IDH2: variants seen among roughly 807,000 people sequenced by gnomAD.
The protein encoded by IDH2 is isocitrate dehydrogenase [NADP], mitochondrial.
A neutral mutation model predicts 50.5 loss-of-function variants in IDH2; 18 were observed. The ratio of observed to expected loss-of-function variants is 0.36; its 90% CI spans 0.25 to 0.53. The LOEUF (loss-of-function observed/expected upper bound fraction) is 0.53. IDH2 is among the 20% of genes least tolerant of loss of function. The probability of loss-of-function intolerance (pLI) is 0.92; values close to 1 mark genes in which losing one functional copy is unlikely to be tolerated. For missense variants in IDH2, 518 were observed against 610.7 expected, an observed-to-expected ratio of 0.85 and a Z score of 1.60; for synonymous variants, 280 against 239.8, an observed-to-expected ratio of 1.17 and a Z score of -1.55.
intron 1 of IDH2, among the ~76,000 whole-genome samples, chr15:90,101,360 C>T (rs914732064): frequency 6.6e-6 from 1 of 152,176 alleles, no homozygotes; most frequent in Non-Finnish European, 1.5e-5. Flanking sequence ...CTACATTGTT[C>T]CCTGCCTTTT....
intron 1 of IDH2, among the ~76,000 whole-genome samples, chr15:90,101,407 C>T (rs1245913435): frequency 6.6e-6 from 1 of 152,150 alleles, no homozygotes; most frequent in Non-Finnish European, 1.5e-5. Flanking sequence ...GGGGGCAGGC[C>T]GATGCCCACA....
At chr15:90,099,008 C>T (rs908469553) in intron 1 of IDH2, among the ~76,000 whole-genome samples, 5 of 152,058 alleles carry the variant, frequency 3.3e-5, no homozygotes, top group African/African-American at 1.2e-4. Flanking sequence ...TGAATTGGAA[C>T]CTTTCCCCAC....
intron 3 of IDH2, among the ~76,000 whole-genome samples, chr15:90,089,196 G>T (rs190215428): frequency 1.4e-4 from 22 of 152,132 alleles, no homozygotes; most frequent in Admixed American, 1.2e-3. Context: ...TTACAGGTGT[G>T]AGCCACCATG....
rs570754975 is a variant in IDH2 at position 90,099,017 on chromosome 15, A to G, written c.115+3259T>C. On this transcript the variant is annotated intron_variant, in intron 1 of 10. Transcript: ENST00000330062. The stretch of plus-strand genomic sequence containing the variant: ...ATCGCCTGAATTGGAACCTTTCCCC[A>G]CTACTGGCTCCTCCTTCAAAATATA... Among the ~76,000 whole-genome samples, 13 of 152,106 alleles carry G rather than the reference A, an allele frequency of 8.5e-5. 1 individual carries two copies. The South Asian group carries it at 2.7e-3, about 32-fold the overall frequency.
Position 90,085,282 on chromosome 15 carries a change from T to G in IDH2, c.1073A>C (p.His358Pro). 1.3e-6 allele frequency: 2 copies of G among 1,557,698 alleles called. No homozygotes were observed. Among genetic ancestry groups the G allele is most frequent in the Non-Finnish European group, 1.7e-6 (2 of 1,149,970 alleles). Residue 358 changes from histidine to proline, a missense_variant, in exon 8 of 11, where the codon CAC becomes CCC. Physicochemically the swap from His to Pro is moderately conservative, Grantham distance 77 (BLOSUM62 -2). This residue lies in a region of IDH2 where 135 missense variants were observed against 167.6 expected (regional missense o/e 0.81). Coordinates refer to ENST00000330062, the MANE Select transcript of IDH2 (RefSeq NM_002168.4). This position sits in a 1 kb window ranked among gnomAD's most constrained non-coding sequence, Gnocchi z 5.5. ...HGTVTRHYRE[H>P]QKGRPTSTNP... The stretch of plus-strand genomic sequence containing the variant: ...CCCATGCCCTGCACTCACCTTCTGG[T>G]GCTCCCGATAGTGGCGGGTGACGGT...
Position 90,091,583 on chromosome 15 carries a change from G to A in IDH2, c.177C>T (p.Thr59=), listed in dbSNP as rs139021942. ...CCTTGATGAACTGCCAGATAATACG[G>A]GTCATCTCATCACCATCCATCTCCA... ...PVVEMDGDEM[T]RIIWQFIKEK... is the part of the protein sequence containing the mutation. The change falls in exon 2 of 11, where the codon ACC becomes ACT. Residue 59 remains threonine, a synonymous_variant. Coordinates refer to ENST00000330062, the MANE Select transcript of IDH2 (RefSeq NM_002168.4). 20 of 1,614,088 alleles carry A rather than the reference G, an allele frequency of 1.2e-5. No individual in the cohort carries two copies. Among genetic ancestry groups the A allele is most frequent in the Non-Finnish European group, 1.6e-5 (19 of 1,179,966 alleles).
chr15:90,102,319 C>T lies in IDH2; in HGVS notation c.72G>A (p.Ala24=). ...ASGSRPAWAP[A]ALTAPTSQEQ... is the part of the protein sequence containing the mutation. ...CTTGCGAGGTGGGGGCTGTCAGGGC[C>T]GCCGGCGCCCAGGCCGGCCGCGAGC... Residue 24 remains alanine (A), a synonymous_variant, in exon 1 of 11, where the codon GCG becomes GCA. Transcript: ENST00000330062. 3 of 1,357,800 alleles carry T rather than the reference C, an allele frequency of 2.2e-6. No homozygotes were observed. Among genetic ancestry groups the T allele is most frequent in the South Asian group, 1.6e-5 (1 of 61,284 alleles). The allele number at this position is 1,357,800 out of a possible 1,614,324, so 84.1% of individuals were successfully genotyped here. A position where few individuals can be genotyped will look rare whatever the true frequency, so the allele number is the denominator to read the frequency against.
chr15:90,085,104 G>A lies in IDH2; in HGVS notation c.1081-6C>T. 1 of 1,613,174 alleles carries A rather than the reference G, an allele frequency of 6.2e-7. No homozygotes were observed. Among genetic ancestry groups the A allele is most frequent in the Non-Finnish European group, 8.5e-7 (1 of 1,179,592 alleles). ...TTGGTGCTGGTGGGCCGGCCCTGGG[G>A]ACGGGGGTTGCAGGGAGATCAAGAG... On this transcript the variant is annotated splice_polypyrimidine_tract_variant and splice_region_variant and intron_variant, in intron 8 of 10. Transcript: ENST00000330062. The surrounding 1 kb of genome is among the most constrained non-coding windows in gnomAD (Gnocchi z 5.5).
chr15:90,097,702 A>T (rs1901218365), intron 1 of IDH2, among the ~76,000 whole-genome samples: 1 of 152,038 alleles, frequency 6.6e-6, no homozygotes, highest in Non-Finnish European at 1.5e-5. Flanking sequence ...ATGGGTAGAG[A>T]GTTTCGGTTT....
chr15:90,092,200 C>T (rs917598339), intron 1 of IDH2, among the ~76,000 whole-genome samples: 2 of 152,018 alleles, frequency 1.3e-5, no homozygotes, highest in African/African-American at 4.8e-5. Context: ...AAATGTAATG[C>T]ACTTGACTCA....
intron 6 of IDH2, 36 bp downstream of exon 6, chr15:90,087,403 G>A (rs777013831): frequency 6.2e-7 from 1 of 1,613,882 alleles, no homozygotes; most frequent in African/African-American, 1.3e-5. Flanking sequence ...GGGGGGAAGG[G>A]AAGAAAGGCC....
chr15:90,102,439 C>T lies in IDH2; in HGVS notation c.-49G>A. The T allele has an allele frequency of 1.0e-5, 11 of 1,060,514 alleles. No individual in the cohort carries two copies. The highest frequency in any genetic ancestry group is 1.3e-5 in the Non-Finnish European group (11 of 832,194). The allele number at this position is 1,060,514 out of a possible 1,614,324, so 65.7% of individuals were successfully genotyped here. ...AGGGCGGGAGAGGTCCGAGCGCGCG[C>T]CGCTCCTCCCGGCTGCCTGGCCGCG... is the stretch of plus-strand genomic sequence containing the variant. On this transcript the variant is annotated 5_prime_UTR_variant, in exon 1 of 11. Transcript: ENST00000330062.
In IDH2 at chr15:90,098,527, C is replaced by CATGTATGT. The variant is rs1567259685; in HGVS notation, c.115+3748_115+3749insACATACAT. On this transcript the variant is annotated intron_variant, in intron 1 of 10. Transcript: ENST00000330062. The surrounding 1 kb of genome is among the most constrained non-coding windows in gnomAD (Gnocchi z 5.1). ...TTATGTATGTATGTATGTATGTATGCATGCATGTATGTATGTATGTATGTA... is the reference window on the plus strand; with the variant it reads ...TTATGTATGTATGTATGTATGTATGCATGTATGTATGCATGTATGTATGTATGTATGTA... Among the ~76,000 whole-genome samples, 74 of 144,768 alleles carry CATGTATGT rather than the reference C, an allele frequency of 5.1e-4. No individual in the cohort carries two copies. Among genetic ancestry groups the CATGTATGT allele is most frequent in the Middle Eastern group, 3.5e-3 (1 of 282 alleles). The allele number at this position is 144,768 out of a possible 152,430, so 95.0% of individuals were successfully genotyped here.
At position 90,087,647 on chromosome 15, in the gene IDH2, G is replaced by C. The variant is rs73469824; in HGVS notation, c.679-72C>G. On this transcript the variant is annotated intron_variant, in intron 5 of 10. Transcript: ENST00000330062. ...ATTGCCGGCAACCTCCCACCTCCCA[G>C]GGCAAGGCCCAGCTCTCCAGGAACG... 12,295 of 1,587,046 alleles carry C rather than the reference G, an allele frequency of 7.7e-3. 693 individuals are homozygous for C. In the African/African-American group the frequency reaches 0.13, roughly 17 times the overall value.
At chr15:90,095,831 C>A (rs188133451) in intron 1 of IDH2, among the ~76,000 whole-genome samples, 7 of 152,364 alleles carry the variant, frequency 4.6e-5, no homozygotes, top group Non-Finnish European at 8.8e-5. Flanking sequence ...GTGCCCAGGC[C>A]TCCCTGGAAG....
intron 1 of IDH2, among the ~76,000 whole-genome samples, chr15:90,097,090 C>G (rs1901202347): frequency 6.6e-6 from 1 of 152,144 alleles, no homozygotes; most frequent in African/African-American, 2.4e-5. Flanking sequence ...GTGTCCATCA[C>G]AGATGAATGG....
In IDH2 at chr15:90,083,900, G is replaced by A. The variant is rs1378471268; in HGVS notation, c.*366C>T. On this transcript the variant is annotated 3_prime_UTR_variant, in exon 11 of 11. Transcript: ENST00000330062. ...CTGAGGTGCTCTGGTCTGCCCCAGG[G>A]GAACCTGCCAGCTCTAGCAGGGCCT... 5 of 404,452 alleles carry A rather than the reference G, an allele frequency of 1.2e-5. No individual in the cohort carries two copies. Among genetic ancestry groups the A allele is most frequent in the Admixed American group, 3.9e-5 (1 of 25,812 alleles). 25.1% of individuals were successfully genotyped at this position (404,452 alleles called of 1,614,324 possible).
rs1050212605 is a variant in IDH2, at chr15:90,098,606, G to A, written c.115+3670C>T. The stretch of plus-strand genomic sequence containing the variant: ...GTCGCCTACACTGGAGGGCAGTGGC[G>A]TGATCTCGGCTCACTGCAAGCTCCA... On this transcript the variant is annotated intron_variant, in intron 1 of 10. Transcript: ENST00000330062. The surrounding 1 kb of genome is among the most constrained non-coding windows in gnomAD (Gnocchi z 5.1). Among the ~76,000 whole-genome samples the A allele has an allele frequency of 6.7e-6, 1 of 150,082 alleles. No individual in the cohort carries two copies. Among genetic ancestry groups the A allele is most frequent in the African/African-American group, 2.4e-5 (1 of 40,882 alleles).
chr15:90,086,573 A>T (rs907933334), intron 7 of IDH2, among the ~76,000 whole-genome samples: 3 of 151,482 alleles, frequency 2.0e-5, no homozygotes, highest in African/African-American at 7.3e-5. Context: ...GCCCAGCTAA[A>T]TTTTTTTGCA....
Sources: allele counts gnomAD v4.1 joint callset (sites outside exome capture counted in the v4.1 genomes callset), GRCh38; gene constraint gnomAD v4.1.1; regional missense constraint gnomAD v4.1.1; non-coding constraint Gnocchi (gnomAD v3.1); transcripts MANE v1.5; gene names NCBI Gene and HGNC (gene_info 2026-07-23, HGNC 2026-07-21).